Variants in TGFB1 observed in about 807,000 individuals in gnomAD.
TGFB1 encodes transforming growth factor beta-1 proprotein.
A neutral mutation model predicts 43.8 loss-of-function variants in TGFB1; 19 were observed. The observed-to-expected ratio is 0.43, with a 90% CI of 0.30 to 0.64. The LOEUF is 0.64. Among genes scored for constraint, TGFB1 ranks in the 30% least tolerant of loss-of-function variants. The pLI, the probability that TGFB1 is intolerant of heterozygous loss-of-function variation, is 0.11. For synonymous variants in TGFB1, 221 were observed against 236.3 expected, an observed-to-expected ratio of 0.94 and a Z score of 0.60; for missense variants, 445 against 529.8, an observed-to-expected ratio of 0.84 and a Z score of 1.57.
intron 5 of TGFB1, among the ~76,000 whole-genome samples, chr19:41,333,464 C>T (rs2037957649): frequency 2.0e-5 from 3 of 152,132 alleles, no homozygotes; most frequent in South Asian, 2.1e-4. Flanking sequence ...CCGCCCACCT[C>T]AGCCTCCCAA....
chr19:41,340,050 T>C (rs557757914), intron 5 of TGFB1, among the ~76,000 whole-genome samples: 107 of 152,232 alleles, frequency 7.0e-4, no homozygotes, highest in Middle Eastern at 6.8e-3. Context: ...GAATCCAACA[T>C]TTCAGCTTTC....
chr19:41,353,156 C>G lies in TGFB1; in HGVS notation c.-112G>C. On this transcript the variant is annotated 5_prime_UTR_variant, in exon 1 of 7. Transcript: ENST00000221930. The surrounding 1 kb of genome is among the most constrained non-coding windows in gnomAD (Gnocchi z 5.9). ...CTCCCGGCAAAAGGTAGGAGGGCCTCGAGGGAAAGCTGAGGTCCTCAGGGA... is the reference window on the plus strand; with the variant it reads ...CTCCCGGCAAAAGGTAGGAGGGCCTGGAGGGAAAGCTGAGGTCCTCAGGGA... 2 of 1,345,560 alleles carry G rather than the reference C, an allele frequency of 1.5e-6. No individual in the cohort carries two copies. The highest frequency in any genetic ancestry group is 1.9e-6 in the Non-Finnish European group (2 of 1,029,528). 83.4% of individuals were successfully genotyped at this position (1,345,560 alleles called of 1,614,324 possible).
chr19:41,345,392 G>C (rs2038104665), intron 2 of TGFB1, among the ~76,000 whole-genome samples: 2 of 151,960 alleles, frequency 1.3e-5, no homozygotes, highest in Non-Finnish European at 2.9e-5. Context: ...CACTATTTGG[G>C]AGGCTGAGGC....
chr19:41,338,193 A>G (rs2038010170), intron 5 of TGFB1, among the ~76,000 whole-genome samples: 1 of 137,986 alleles, frequency 7.2e-6, no homozygotes, highest in South Asian at 2.5e-4. Context: ...CTCTGTCTCA[A>G]AAAAAAAAAC....
intron 1 of TGFB1, among the ~76,000 whole-genome samples, chr19:41,352,340 A>G (rs1160855582): frequency 1.4e-5 from 1 of 73,452 alleles, no homozygotes; most frequent in Non-Finnish European, 2.6e-5. Flanking sequence ...CTGGCACCCC[A>G]CGACCCCCCC....
chr19:41,340,358 G>A (rs544773416), intron 5 of TGFB1, among the ~76,000 whole-genome samples: 3 of 150,620 alleles, frequency 2.0e-5, no homozygotes, highest in Admixed American at 6.7e-5. Context: ...CGAGGTTCCA[G>A]TGATTCTCCT....
intron 2 of TGFB1, among the ~76,000 whole-genome samples, chr19:41,345,301 A>C (rs2038103639): frequency 6.6e-6 from 1 of 151,936 alleles, no homozygotes; most frequent in South Asian, 2.1e-4. Flanking sequence ...GTTCAAGACC[A>C]GCCTGGCCAA....
chr19:41,332,404 C>G, intron 5 of TGFB1, 123 bp from the exon 6 acceptor site: 1 of 1,071,562 alleles, frequency 9.3e-7, no homozygotes, highest in South Asian at 1.5e-5. Context: ...CCATCTGGGT[C>G]TCCCTTGCAC....
intron 2 of TGFB1, among the ~76,000 whole-genome samples, chr19:41,345,969 C>A (rs116413879): frequency 0.013 from 1,911 of 152,160 alleles, 38 homozygotes; most frequent in African/African-American, 0.044. Context: ...CTTCTAGAGC[C>A]TGAGAAGCTT....
intron 1 of TGFB1, among the ~76,000 whole-genome samples, chr19:41,351,850 C>T (rs542024647): frequency 6.7e-4 from 102 of 152,050 alleles, no homozygotes; most frequent in African/African-American, 2.4e-3. Context: ...CCGCTCACAC[C>T]ACCTTTCCCA....
chr19:41,338,344 G>A (rs777875529), intron 5 of TGFB1, among the ~76,000 whole-genome samples: 4 of 148,608 alleles, frequency 2.7e-5, no homozygotes, highest in African/African-American at 5.0e-5. Flanking sequence ...AAATACAAAA[G>A]TTAGCCGGGC....
At chr19:41,342,363 C>G (rs2038067516) in intron 3 of TGFB1, 116 bp from the exon 4 acceptor site, 1 of 946,346 alleles carries the variant, frequency 1.1e-6, no homozygotes, top group African/African-American at 1.6e-5. Flanking sequence ...CCACCCACCC[C>G]ACTCTGCCCT....
intron 1 of TGFB1, among the ~76,000 whole-genome samples, chr19:41,349,870 C>T (rs570605018): frequency 5.3e-5 from 8 of 152,226 alleles, no homozygotes; most frequent in Non-Finnish European, 8.8e-5. Context: ...TTATTATACC[C>T]GTTTAATAGA....
chr19:41,349,765 C>T (rs1219336368), intron 1 of TGFB1, among the ~76,000 whole-genome samples: 2 of 151,886 alleles, frequency 1.3e-5, no homozygotes, highest in Non-Finnish European at 2.9e-5. Flanking sequence ...TCAAAAACAA[C>T]AACAACAAAA....
At chr19:41,336,601 G>A (rs904463051) in intron 5 of TGFB1, among the ~76,000 whole-genome samples, 4 of 151,900 alleles carry the variant, frequency 2.6e-5, no homozygotes, top group African/African-American at 9.7e-5. Context: ...TATTGCCCAG[G>A]CTGGTCTCCA....
rs747216224 is a variant in TGFB1 at position 41,342,022 on chromosome 19, T to C, written c.721A>G (p.Thr241Ala). The part of the protein sequence containing the change: ...TLQVDINGFT[T>A]GRRGDLATIH... ...GTGGCCAGGTCACCTCGGCGGCCGG[T>C]AGTGAACCCTGCTTTGGTGTGGGAG... The change falls in exon 5 of 7, where the codon ACC becomes GCC. Residue 241 changes from threonine to alanine, a missense_variant. This residue lies in a region of TGFB1 where 366 missense variants were observed against 428.8 expected (regional missense o/e 0.85). Coordinates refer to ENST00000221930, the MANE Select transcript of TGFB1 (RefSeq NM_000660.7). The C allele has an allele frequency of 2.5e-6, 4 of 1,613,988 alleles. No individual in the cohort carries two copies. The Admixed American group carries it at 6.7e-5, about 27-fold the overall frequency.
At chr19:41,343,316 T>C (rs1204590125) in intron 3 of TGFB1, among the ~76,000 whole-genome samples, 2 of 152,074 alleles carry the variant, frequency 1.3e-5, no homozygotes, top group Non-Finnish European at 2.9e-5. Flanking sequence ...GTATTTTTAG[T>C]AGAGACGGGG....
At chr19:41,343,573 C>T (rs1191084866) in intron 3 of TGFB1, among the ~76,000 whole-genome samples, 3 of 152,128 alleles carry the variant, frequency 2.0e-5, no homozygotes, top group East Asian at 3.9e-4. Flanking sequence ...GCACTTAGGG[C>T]GTTCCCCCAT....
At chr19:41,345,691 CAGG>C (rs775232490) in intron 2 of TGFB1, among the ~76,000 whole-genome samples, 1 of 151,508 alleles carries the variant, frequency 6.6e-6, no homozygotes, top group Non-Finnish European at 1.5e-5. Context: ...CTCCTGAGGT[CAGG>C]AGTTCAAGAC....
Sources: gnomAD v4.1 joint callset for allele counts (sites outside exome capture counted in the v4.1 genomes callset) on GRCh38, gnomAD v4.1.1 for gene constraint, gnomAD v4.1.1 regional missense constraint, Gnocchi (gnomAD v3.1) non-coding constraint, MANE v1.5 for transcripts, NCBI Gene and HGNC (gene_info 2026-07-23, HGNC 2026-07-21) for gene names.